The following STRN3 variants were observed in gnomAD, a reference collection of about 807,000 sequenced individuals.
STRN3 encodes the protein striatin-3.
In STRN3, 29 loss-of-function variants were observed where a neutral mutation model predicts 95.6. That is an observed-to-expected ratio of 0.30 (90% CI 0.23 to 0.41). STRN3 has a LOEUF of 0.41. Ranked by LOEUF, STRN3 falls within the 10% of genes least tolerant of loss-of-function variation. STRN3 has a pLI of 1.00. For missense variants in STRN3, 890 were observed against 972.1 expected, an observed-to-expected ratio of 0.92 and a Z score of 1.12; for synonymous variants, 331 against 357.6, an observed-to-expected ratio of 0.93 and a Z score of 0.84.
chr14:30,972,173 T>C (rs184385150), intron 1 of STRN3, among the ~76,000 whole-genome samples: 1 of 152,158 alleles, frequency 6.6e-6, no homozygotes, highest in Non-Finnish European at 1.5e-5. Flanking sequence ...TCCACCCTGA[T>C]TCATTCCAAT....
At chr14:30,985,822 A>C (rs1013023965) in intron 1 of STRN3, among the ~76,000 whole-genome samples, 1 of 152,284 alleles carries the variant, frequency 6.6e-6, no homozygotes, top group South Asian at 2.1e-4. Flanking sequence ...ATCTTTTGCT[A>C]ATATCTTAGG....
intron 1 of STRN3, among the ~76,000 whole-genome samples, chr14:31,003,261 C>CA (rs376981218): frequency 0.21 from 17,009 of 82,160 alleles, 1,079 homozygotes; most frequent in Middle Eastern, 0.39. Context: ...ACTCTGTCTC[C>CA]AAAAAAAAAA....
At chr14:30,942,599 C>T (rs968873860) in intron 5 of STRN3, among the ~76,000 whole-genome samples, 2 of 152,070 alleles carry the variant, frequency 1.3e-5, no homozygotes, top group African/African-American at 4.8e-5. Context: ...GTAAATAAGA[C>T]CAATTATTAA....
intron 14 of STRN3, 47 bp from the exon 15 acceptor site, chr14:30,905,605 ATGAAATCTCTACTTTT>A (rs751360277): frequency 2.8e-5 from 44 of 1,544,784 alleles, no homozygotes; most frequent in Non-Finnish European, 3.7e-5. Flanking sequence ...TAAAATTACT[ATGAAATCTCTACTTTT>A]TGAAATCTCT....
intron 1 of STRN3, among the ~76,000 whole-genome samples, chr14:31,013,800 G>A (rs1883085525): frequency 6.6e-6 from 1 of 150,744 alleles, no homozygotes; most frequent in Non-Finnish European, 1.5e-5. Flanking sequence ...TCACTATGTT[G>A]CCCAGGCTGG....
intron 7 of STRN3, among the ~76,000 whole-genome samples, chr14:30,930,197 AT>A (rs1272136450): frequency 1.3e-5 from 2 of 152,128 alleles, no homozygotes; most frequent in African/African-American, 4.8e-5. Flanking sequence ...AAGAGGCAGC[AT>A]AAAAATAATT....
At chr14:30,947,867 T>C (rs1187723094) in intron 4 of STRN3, among the ~76,000 whole-genome samples, 3 of 152,180 alleles carry the variant, frequency 2.0e-5, no homozygotes, top group Non-Finnish European at 4.4e-5. Flanking sequence ...AGAAAGGGAC[T>C]AGATTATGAT....
chr14:30,918,179 G>A (rs1373449427), intron 9 of STRN3, among the ~76,000 whole-genome samples: 2 of 152,072 alleles, frequency 1.3e-5, no homozygotes, highest in African/African-American at 4.8e-5. Flanking sequence ...ATTAATTTAG[G>A]TAACAGTTAC....
intron 1 of STRN3, among the ~76,000 whole-genome samples, chr14:30,968,408 G>T (rs981119637): frequency 6.7e-6 from 1 of 148,598 alleles, no homozygotes; most frequent in African/African-American, 2.5e-5. Context: ...AAAAACAGGC[G>T]TGGTGGCTCA....
chr14:30,924,287 C>CTTGTTTTT (rs1896960239), intron 8 of STRN3, among the ~76,000 whole-genome samples: 1 of 77,228 alleles, frequency 1.3e-5, no homozygotes, highest in Non-Finnish European at 2.2e-5. Flanking sequence ...TGCCTTAAAT[C>CTTGTTTTT]TTTTTTTTTT....
chr14:30,952,598 G>A (rs1879702124), intron 3 of STRN3, among the ~76,000 whole-genome samples: 1 of 151,990 alleles, frequency 6.6e-6, no homozygotes, highest in African/African-American at 2.4e-5. Flanking sequence ...TACTTGGGAG[G>A]CTGAGGTGGG....
At chr14:30,949,189 A>G (rs1210205652) in intron 4 of STRN3, among the ~76,000 whole-genome samples, 5 of 152,206 alleles carry the variant, frequency 3.3e-5, no homozygotes, top group South Asian at 4.1e-4. Context: ...CAATTCTGCT[A>G]GTTATCCAGC....
At chr14:30,959,107 C>T (rs995574239) in intron 1 of STRN3, among the ~76,000 whole-genome samples, 1 of 152,224 alleles carries the variant, frequency 6.6e-6, no homozygotes, top group Admixed American at 6.5e-5. Flanking sequence ...CAGGAGATCA[C>T]TTAAGACCAG....
At chr14:30,978,255 T>A (rs546406936) in intron 1 of STRN3, among the ~76,000 whole-genome samples, 1 of 152,212 alleles carries the variant, frequency 6.6e-6, no homozygotes, top group South Asian at 2.1e-4. Flanking sequence ...CAAAACTCCT[T>A]AACAAAATAT....
intron 1 of STRN3, among the ~76,000 whole-genome samples, chr14:30,992,570 A>T (rs1455557307): frequency 7.0e-6 from 1 of 143,076 alleles, no homozygotes; most frequent in Non-Finnish European, 1.6e-5. Flanking sequence ...CTCTTTAAAA[A>T]AAAAAAAAAA....
chr14:30,963,218 C>A (rs781225012), intron 1 of STRN3, among the ~76,000 whole-genome samples: 1 of 152,090 alleles, frequency 6.6e-6, no homozygotes, highest in Non-Finnish European at 1.5e-5. Context: ...TTCAATACCC[C>A]ACTCTAAATA....
At chr14:30,991,101 G>A (rs550397231) in intron 1 of STRN3, among the ~76,000 whole-genome samples, 1 of 152,262 alleles carries the variant, frequency 6.6e-6, no homozygotes, top group South Asian at 2.1e-4. Flanking sequence ...CAGGCCAGCA[G>A]TATTTCTAGG....
At chr14:31,018,469 C>T in intron 1 of STRN3, 1 of 421,568 alleles carries the variant, frequency 2.4e-6, no homozygotes, top group South Asian at 1.7e-5. Flanking sequence ...TCCTGACTGT[C>T]ACCGTCACTC....
intron 1 of STRN3, among the ~76,000 whole-genome samples, chr14:30,979,350 G>A (rs977010070): frequency 3.9e-5 from 6 of 152,046 alleles, no homozygotes; most frequent in African/African-American, 9.7e-5. Context: ...GTTTTGCAAC[G>A]GACTGTGTAG....
Sources: gnomAD v4.1 joint callset for allele counts (sites outside exome capture counted in the v4.1 genomes callset) on GRCh38, gnomAD v4.1.1 for gene constraint, MANE v1.5 for transcripts, NCBI Gene and HGNC (gene_info 2026-07-23, HGNC 2026-07-21) for gene names.